CENPF: variants seen among roughly 807,000 people sequenced by gnomAD.
CENPF encodes the protein AH antigen.
Under a neutral mutation model 307.3 loss-of-function variants are expected in CENPF, and 214 were observed. The observed-to-expected ratio is 0.70, with a 90% confidence interval of 0.62 to 0.78. The LOEUF is 0.78. Among genes scored for constraint, CENPF ranks in the 30% least tolerant of loss-of-function variants. The pLI, the probability that CENPF is intolerant of heterozygous loss-of-function variation, is 0.00. For synonymous variants in CENPF, 1,259 were observed against 1,270.6 expected (o/e 0.99, Z 0.19); for missense variants, 3,401 against 3,483.9 (o/e 0.98, Z 0.60).
At position 214,643,128 on chromosome 1, in the gene CENPF, G is replaced by A. The variant is rs1453381907; in HGVS notation, c.4790G>A (p.Cys1597Tyr). 5 of 1,599,312 alleles carry A rather than the reference G, an allele frequency of 3.1e-6. No individual in the cohort carries two copies. Among genetic ancestry groups the A allele is most frequent in the East Asian group, 2.2e-5 (1 of 44,794 alleles). The part of the protein sequence containing the change: ...LLSSERQELD[C>Y]LRKQYLSENE... ...AGTTCTGAAAGGCAAGAGCTTGACT[G>A]CCTTAGGAAGCAGTATTTGTCAGAA... Residue 1597 changes from cysteine to tyrosine, a missense_variant, in exon 12 of 20, where the codon TGC becomes TAC. Physicochemically the swap from Cys to Tyr is radical, Grantham distance 194 (BLOSUM62 -2). Transcript: ENST00000366955.
intron 6 of CENPF, among the ~76,000 whole-genome samples, chr1:214,621,596 T>A (rs1657507987): frequency 6.6e-6 from 1 of 152,198 alleles, no homozygotes; most frequent in African/African-American, 2.4e-5. Flanking sequence ...TCATTGTTAA[T>A]TTTGGCAGTA....
chr1:214,645,617 T>C lies in CENPF; in HGVS notation c.6047T>C (p.Leu2016Pro), dbSNP rs1380480031. The stretch of plus-strand genomic sequence containing the variant: ...GAGGTGAAGGAAAAGACGGAACTCC[T>C]TCAGACTTTGTCCTCTGATGTGAGT... Reference protein sequence around the residue: ...EAEVKEKTELLQTLSSDVSEL... With the variant: ...EAEVKEKTELPQTLSSDVSEL... The change falls in exon 13 of 20, where the codon CTT becomes CCT. Residue 2016 changes from leucine to proline, a missense_variant. Transcript: ENST00000366955. The C allele has an allele frequency of 6.2e-7, 1 of 1,614,150 alleles. No homozygotes were observed. The highest frequency in any genetic ancestry group is 8.5e-7 in the Non-Finnish European group (1 of 1,180,020).
At chr1:214,649,258 G>A (rs997911807) in intron 14 of CENPF, among the ~76,000 whole-genome samples, 7 of 152,192 alleles carry the variant, frequency 4.6e-5, no homozygotes, top group Non-Finnish European at 1.0e-4. Flanking sequence ...GTTTTAGGCA[G>A]GGTTAATGTG....
At chr1:214,617,125 C>T (rs1036620825) in intron 3 of CENPF, among the ~76,000 whole-genome samples, 4 of 151,620 alleles carry the variant, frequency 2.6e-5, no homozygotes, top group Admixed American at 6.6e-5. Flanking sequence ...AGTTTCAGCT[C>T]ACTGCAACCT....
At position 214,663,993 on chromosome 1, in the gene CENPF, G is replaced by A. The variant is rs2290199; in HGVS notation, c.*199G>A. On this transcript the variant is annotated 3_prime_UTR_variant, in exon 20 of 20. Coordinates refer to ENST00000366955, the MANE Select transcript of CENPF (RefSeq NM_016343.4). ...GTTTGGAAGCACTGATCACCTGTTA[G>A]CATTGCCATTCCTCTACTGCAATGT... 17,153 of 560,660 alleles carry A rather than the reference G, an allele frequency of 0.031. 377 individuals carry two copies. The highest frequency in any genetic ancestry group is 0.067 in the South Asian group (2,701 of 40,438). 34.7% of individuals were successfully genotyped at this position (560,660 alleles called of 1,614,324 possible).
In CENPF at chr1:214,646,788, G is replaced by A. The variant is rs1571720765; in HGVS notation, c.7218G>A (p.Glu2406=). 1.2e-6 allele frequency: 2 copies of A among 1,611,444 alleles called. No individual in the cohort carries two copies. Among genetic ancestry groups the A allele is most frequent in the Non-Finnish European group, 1.7e-6 (2 of 1,178,928 alleles). ...NLTNELQKEQ[E]RISELEIINS... Reference sequence around the variant, plus strand: ...CAAATGAATTACAAAAAGAGCAAGAGCGAATATCTGAATTAGAAATAATAA... The same window carrying A: ...CAAATGAATTACAAAAAGAGCAAGAACGAATATCTGAATTAGAAATAATAA... Residue 2406 remains glutamate (E), a synonymous_variant, in exon 13 of 20, where the codon GAG becomes GAA. Coordinates refer to ENST00000366955, the MANE Select transcript of CENPF (RefSeq NM_016343.4).
intron 19 of CENPF, among the ~76,000 whole-genome samples, chr1:214,662,689 C>A (rs1384150310): frequency 6.6e-6 from 1 of 152,094 alleles, no homozygotes; most frequent in East Asian, 1.9e-4. Flanking sequence ...TCCACTCTTG[C>A]CTTTAACTTT....
rs1297487708 is a variant in CENPF at position 214,616,113 on chromosome 1, A to G, written c.359+1085A>G. Among the ~76,000 whole-genome samples the G allele has an allele frequency of 2.6e-5, 4 of 152,074 alleles. No homozygotes were observed. In the South Asian group the frequency reaches 6.2e-4, roughly 24 times the overall value. Reference sequence around the variant, plus strand: ...TTTGTTAAAACTGTGGAGATTGGCAATCTCATATAGTTCAACCTAGTAGAA... The same window carrying G: ...TTTGTTAAAACTGTGGAGATTGGCAGTCTCATATAGTTCAACCTAGTAGAA... On this transcript the variant is annotated intron_variant, in intron 3 of 19. Transcript: ENST00000366955.
At position 214,646,243 on chromosome 1, in the gene CENPF, C is replaced by T; in HGVS notation, c.6673C>T (p.Gln2225Ter). The change falls in exon 13 of 20, where the codon CAG (glutamine) becomes TAG (stop). Residue 2225 changes from glutamine (Q) to a stop codon, truncating the protein, a stop_gained. Transcript: ENST00000366955. LOFTEE classifies it high-confidence loss of function. ...AAAACAAATACAAGAAAAACAAGGT[C>T]AGTTGTCAGAACTAGACAAGTTACT... ...LTKQIQEKQG[Q>*]LSELDKLLSS... 6.2e-7 allele frequency: 1 copy of T among 1,613,778 alleles called. No homozygotes were observed. The highest frequency in any genetic ancestry group is 8.5e-7 in the Non-Finnish European group (1 of 1,179,960).
intron 17 of CENPF, among the ~76,000 whole-genome samples, chr1:214,656,331 T>C (rs555508898): frequency 6.6e-6 from 1 of 152,186 alleles, no homozygotes; most frequent in Admixed American, 6.5e-5. Flanking sequence ...GAAACAGTGC[T>C]CAGGGTAGAT....
chr1:214,630,617 G>A lies in CENPF; in HGVS notation c.1278G>A (p.Gln426=), dbSNP rs1477291728. 2.5e-6 allele frequency: 4 copies of A among 1,614,052 alleles called. No homozygotes were observed. The highest frequency in any genetic ancestry group is 3.4e-6 in the Non-Finnish European group (4 of 1,180,014). Residue 426 remains glutamine, a synonymous_variant, in exon 9 of 20, where the codon CAG becomes CAA. Coordinates refer to ENST00000366955, the MANE Select transcript of CENPF (RefSeq NM_016343.4). ...AGGCCAGACTCACCCAGGAGTTACA[G>A]CAAGCCAAGAATATGCACAACGTCC... ...QMKARLTQEL[Q]QAKNMHNVLQ...
chr1:214,627,581 G>GGCCA (rs1181371737), intron 7 of CENPF, among the ~76,000 whole-genome samples: 2 of 151,522 alleles, frequency 1.3e-5, no homozygotes, highest in African/African-American at 4.9e-5. Flanking sequence ...TCACCATGTT[G>GGCCA]GCCAGGCTGG....
In CENPF at chr1:214,644,709, T is replaced by G. The variant is rs780718622; in HGVS notation, c.5139T>G (p.Gly1713=). The change falls in exon 13 of 20, where the codon GGT becomes GGG. Residue 1713 remains glycine (G), a synonymous_variant. Transcript: ENST00000366955. The part of the protein sequence containing the change: ...NLDIEKITET[G]AVKPTGECSG... The stretch of plus-strand genomic sequence containing the variant: ...ACATTGAGAAAATAACTGAGACTGG[T>G]GCAGTGAAACCCACAGGAGAGTGCT... 1.9e-6 allele frequency: 3 copies of G among 1,613,982 alleles called. No individual in the cohort carries two copies. The South Asian group carries it at 3.3e-5, about 18-fold the overall frequency.
chr1:214,624,306 ATTCC>A (rs1657594722), intron 7 of CENPF, among the ~76,000 whole-genome samples: 1 of 151,994 alleles, frequency 6.6e-6, no homozygotes, highest in Non-Finnish European at 1.5e-5. Flanking sequence ...ATTAGAGAGT[ATTCC>A]TTCCTCTTCA....
At chr1:214,627,395 T>TG (rs1238691026) in intron 7 of CENPF, among the ~76,000 whole-genome samples, 1 of 111,180 alleles carries the variant, frequency 9.0e-6, no homozygotes, top group Non-Finnish European at 1.8e-5. Context: ...TTTTTTGAGA[T>TG]GGAGTTTCAC....
chr1:214,628,144 G>T (rs534572124), intron 7 of CENPF, among the ~76,000 whole-genome samples: 2 of 152,282 alleles, frequency 1.3e-5, no homozygotes, highest in Non-Finnish European at 2.9e-5. Flanking sequence ...GTATTATGGA[G>T]CATTCATGAC....
intron 12 of CENPF, 61 bp downstream of exon 12, chr1:214,643,385 ATGTT>A (rs1382100905): frequency 2.3e-6 from 3 of 1,298,498 alleles, no homozygotes; most frequent in African/African-American, 3.0e-5. Flanking sequence ...CACTCAGTAA[ATGTT>A]TGTCTAATTG....
rs543500382 is a variant in CENPF at position 214,618,625 on chromosome 1, T to C, written c.412T>C (p.Ser138Pro). ...SQQAAQSADV[S>P]LNPCNTPQKI... is the part of the protein sequence containing the mutation. The stretch of plus-strand genomic sequence containing the variant: ...ACAAGCTGCGCAGTCTGCAGATGTC[T>C]CTCTGAATCCATGCAATACACCACA... Residue 138 changes from serine (S) to proline (P), a missense_variant, in exon 4 of 20, where the codon TCT becomes CCT. By Grantham distance (74) the Ser-to-Pro change is moderately conservative (BLOSUM62 -1). Transcript: ENST00000366955. The C allele has an allele frequency of 6.2e-6, 10 of 1,614,132 alleles. No homozygotes were observed. The highest frequency in any genetic ancestry group is 8.5e-6 in the Non-Finnish European group (10 of 1,179,994).
At chr1:214,611,885 G>T (rs1657210115) in intron 1 of CENPF, among the ~76,000 whole-genome samples, 1 of 152,204 alleles carries the variant, frequency 6.6e-6, no homozygotes, top group Non-Finnish European at 1.5e-5. Flanking sequence ...TTTGGGCCAA[G>T]ACTATGGGGT....
Sources: allele counts gnomAD v4.1 joint callset (sites outside exome capture counted in the v4.1 genomes callset), GRCh38; gene constraint gnomAD v4.1.1; transcripts MANE v1.5; gene names NCBI Gene and HGNC (gene_info 2026-07-23, HGNC 2026-07-21).